SCLT1: variants seen among roughly 807,000 people sequenced by gnomAD.
The protein encoded by SCLT1 is sodium channel-associated protein 1.
In SCLT1, 78 loss-of-function variants were observed where a neutral mutation model predicts 112.8. That is an observed-to-expected ratio of 0.69 (90% CI 0.58 to 0.83). The LOEUF is 0.83. Among genes scored for constraint, SCLT1 ranks in the 40% least tolerant of loss-of-function variants. SCLT1 has a pLI of 0.00. For synonymous variants in SCLT1, 257 were observed against 254.7 expected (o/e 1.01, Z -0.09); for missense variants, 747 against 770.4 (o/e 0.97, Z 0.36).
intron 5 of SCLT1, among the ~76,000 whole-genome samples, chr4:129,028,203 G>C (rs973455657): frequency 6.6e-6 from 1 of 152,096 alleles, no homozygotes; most frequent in Non-Finnish European, 1.5e-5. Flanking sequence ...AACCAAAAAA[G>C]AGCCCGCATC....
intron 18 of SCLT1, among the ~76,000 whole-genome samples, chr4:128,932,536 T>C (rs939755413): frequency 1.3e-5 from 2 of 152,114 alleles, no homozygotes; most frequent in Admixed American, 6.6e-5. Flanking sequence ...TTAAAATTAT[T>C]TCCTCTGAAG....
At chr4:129,027,243 A>T (rs1225268671) in intron 5 of SCLT1, among the ~76,000 whole-genome samples, 2 of 152,178 alleles carry the variant, frequency 1.3e-5, no homozygotes, top group Non-Finnish European at 2.9e-5. Context: ...GCAGAGACAC[A>T]ACCAAAAAAG....
chr4:128,985,127 C>T (rs1741975814), intron 9 of SCLT1, among the ~76,000 whole-genome samples: 2 of 151,938 alleles, frequency 1.3e-5, no homozygotes, highest in Admixed American at 1.3e-4. Context: ...GTGACAAATA[C>T]CTAGGTTGCC....
chr4:129,005,702 A>G lies in SCLT1; in HGVS notation c.291-1826T>C, dbSNP rs532898454. 3.7e-3 allele frequency among the ~76,000 whole-genome samples: 564 copies of G among 151,964 alleles called. 1 individual carries two copies. Among genetic ancestry groups the G allele is most frequent in the African/African-American group, 0.011 (468 of 41,424 alleles). On this transcript the variant is annotated intron_variant, in intron 5 of 20. Coordinates refer to ENST00000281142, the MANE Select transcript of SCLT1 (RefSeq NM_144643.4). ...AAGGACTATAAATCATGCTGCTATA[A>G]AGACACATGCACACGTATGTTTATT...
chr4:128,967,103 G>A (rs1283051930), intron 10 of SCLT1, among the ~76,000 whole-genome samples: 1 of 152,126 alleles, frequency 6.6e-6, no homozygotes, highest in African/African-American at 2.4e-5. Flanking sequence ...GTGAGGACAT[G>A]CGGTATTTGG....
At chr4:128,896,785 A>G (rs901497659) in intron 18 of SCLT1, among the ~76,000 whole-genome samples, 1 of 152,214 alleles carries the variant, frequency 6.6e-6, no homozygotes, top group Non-Finnish European at 1.5e-5. Context: ...AAAAAAAATT[A>G]GACAAATGGC....
intron 18 of SCLT1, among the ~76,000 whole-genome samples, chr4:128,927,867 A>C (rs1270413022): frequency 3.3e-5 from 5 of 152,064 alleles, no homozygotes; most frequent in Admixed American, 6.5e-5. Flanking sequence ...AAACTCTGAT[A>C]AGAGTGATAA....
At chr4:129,003,293 G>A (rs189847791) in intron 6 of SCLT1, among the ~76,000 whole-genome samples, 1 of 152,098 alleles carries the variant, frequency 6.6e-6, no homozygotes, top group South Asian at 2.1e-4. Flanking sequence ...GTGGGGTTGA[G>A]GGCTAGGGGA....
At chr4:128,906,908 C>T (rs1050370151) in intron 18 of SCLT1, among the ~76,000 whole-genome samples, 2 of 152,060 alleles carry the variant, frequency 1.3e-5, no homozygotes, top group Non-Finnish European at 2.9e-5. Context: ...CTTCATGGTG[C>T]TATGATAAAA....
intron 2 of SCLT1, among the ~76,000 whole-genome samples, chr4:129,046,375 A>G (rs2125703504): frequency 6.6e-6 from 1 of 152,242 alleles, no homozygotes; most frequent in East Asian, 1.9e-4. Flanking sequence ...CTGACTTCTA[A>G]CAGCAGGAAA....
chr4:128,915,644 C>T (rs318545), intron 18 of SCLT1, among the ~76,000 whole-genome samples: 108,083 of 152,050 alleles, frequency 0.71, 38,521 homozygotes, highest in African/African-American at 0.76. Flanking sequence ...TCTACTTTGA[C>T]CAGAAAGGAT....
intron 18 of SCLT1, among the ~76,000 whole-genome samples, chr4:128,936,206 A>AT (rs2125981448): frequency 6.6e-6 from 1 of 152,172 alleles, no homozygotes; most frequent in East Asian, 1.9e-4. Flanking sequence ...CAGTGATCAC[A>AT]TTCATCTGTT....
chr4:129,009,826 T>C (rs1435900343), intron 5 of SCLT1, among the ~76,000 whole-genome samples: 1 of 152,228 alleles, frequency 6.6e-6, no homozygotes, highest in Non-Finnish European at 1.5e-5. Flanking sequence ...AAATTTAAGT[T>C]CCTTATAGAT....
chr4:128,947,402 A>T (rs1020101677), intron 15 of SCLT1, among the ~76,000 whole-genome samples: 1 of 149,588 alleles, frequency 6.7e-6, no homozygotes, highest in African/African-American at 2.5e-5. Context: ...GAACACATGT[A>T]TTTTTTTTTT....
At chr4:129,058,715 T>C (rs1382186384) in intron 2 of SCLT1, among the ~76,000 whole-genome samples, 2 of 152,200 alleles carry the variant, frequency 1.3e-5, no homozygotes, top group East Asian at 3.8e-4. Context: ...TATAAATGTA[T>C]GTGAGATCCA....
intron 6 of SCLT1, among the ~76,000 whole-genome samples, chr4:129,002,083 T>C (rs923603226): frequency 3.3e-5 from 5 of 152,036 alleles, no homozygotes; most frequent in African/African-American, 1.2e-4. Context: ...AATATCACTT[T>C]CATAATTATA....
chr4:128,889,577 C>T (rs1733153136), intron 19 of SCLT1, among the ~76,000 whole-genome samples: 1 of 152,138 alleles, frequency 6.6e-6, no homozygotes. Context: ...TTTAAGCCAC[C>T]CAGTTTCTAA....
intron 8 of SCLT1, among the ~76,000 whole-genome samples, chr4:128,996,932 G>GAAGT (rs1743061325): frequency 1.3e-5 from 2 of 152,032 alleles, no homozygotes; most frequent in South Asian, 4.2e-4. Context: ...ACATATTGAA[G>GAAGT]AAGTAATGAA....
chr4:128,949,713 C>A (rs1323390372), intron 14 of SCLT1, among the ~76,000 whole-genome samples: 2 of 151,478 alleles, frequency 1.3e-5, no homozygotes, highest in Non-Finnish European at 3.0e-5. Flanking sequence ...ATGAACTCAT[C>A]CTTTTTTATG....
Sources: gnomAD v4.1 joint callset for allele counts (sites outside exome capture counted in the v4.1 genomes callset) on GRCh38, gnomAD v4.1.1 for gene constraint, MANE v1.5 for transcripts, NCBI Gene and HGNC (gene_info 2026-07-23, HGNC 2026-07-21) for gene names.